RAB38: variants seen among roughly 807,000 people sequenced by gnomAD.
RAB38 encodes the protein ras-related protein Rab-38.
RAB38 carries 15 observed loss-of-function variants against 18.4 expected under a neutral mutation model. That is an observed-to-expected ratio of 0.82 (90% confidence interval 0.55 to 1.26). The LOEUF is 1.26. RAB38 is among the 50% of genes most tolerant of loss of function. RAB38 has a pLI of 0.00. For synonymous variants in RAB38, 101 were observed against 104.4 expected (o/e 0.97, Z 0.20); for missense variants, 294 against 267.4 (o/e 1.10, Z -0.69).
At chr11:87,954,138 A>AAAATGTAGTCTT in the RAB38 span, among the ~76,000 whole-genome samples, 2 of 152,176 alleles carry the variant, frequency 1.3e-5, no homozygotes, top group African/African-American at 4.8e-5. Flanking sequence ...ATTTTGAGTT[A>AAAATGTAGTCTT]AAATGTAGTC....
intron 2 of RAB38, among the ~76,000 whole-genome samples, chr11:88,142,353 G>A (rs1241681671): frequency 6.6e-6 from 1 of 152,212 alleles, no homozygotes; most frequent in African/African-American, 2.4e-5. Flanking sequence ...GCTGTGAAAT[G>A]CCTGGAAGGT....
the RAB38 span, among the ~76,000 whole-genome samples, chr11:87,893,654 C>T: frequency 6.6e-6 from 1 of 151,376 alleles, no homozygotes; most frequent in African/African-American, 2.4e-5. Flanking sequence ...TATATATCCA[C>T]TAAAAACTAA....
At chr11:87,924,255 G>A in the RAB38 span, among the ~76,000 whole-genome samples, 1 of 152,024 alleles carries the variant, frequency 6.6e-6, no homozygotes, top group Non-Finnish European at 1.5e-5. Flanking sequence ...TGCCTTGGAA[G>A]TCGGTAAGTA....
the RAB38 span, among the ~76,000 whole-genome samples, chr11:88,050,524 G>A: frequency 6.6e-6 from 1 of 152,192 alleles, no homozygotes; most frequent in African/African-American, 2.4e-5. Flanking sequence ...ACTGGAAGGT[G>A]AAGGAAAGGA....
At chr11:87,875,130 TAATG>T in the RAB38 span, among the ~76,000 whole-genome samples, 1 of 151,552 alleles carries the variant, frequency 6.6e-6, no homozygotes, top group African/African-American at 2.4e-5. Context: ...TAGTCAATAA[TAATG>T]TATATTTTAA....
downstream of RAB38, among the ~76,000 whole-genome samples, chr11:88,110,218 G>A (rs1162311857): frequency 6.6e-6 from 1 of 152,038 alleles, no homozygotes; most frequent in Non-Finnish European, 1.5e-5. Flanking sequence ...TCCTTTTCGG[G>A]GATATGGATG....
At chr11:88,018,833 A>T in the RAB38 span, among the ~76,000 whole-genome samples, 1 of 152,202 alleles carries the variant, frequency 6.6e-6, no homozygotes, top group Non-Finnish European at 1.5e-5. Context: ...TTGTTTATTT[A>T]AATATTTCAA....
chr11:87,945,980 T>G, the RAB38 span, among the ~76,000 whole-genome samples: 2 of 152,150 alleles, frequency 1.3e-5, no homozygotes, highest in Non-Finnish European at 2.9e-5. Context: ...TGCACTGTGA[T>G]GGCCCTTTTC....
At chr11:87,832,014 A>C in the RAB38 span, among the ~76,000 whole-genome samples, 1 of 152,332 alleles carries the variant, frequency 6.6e-6, no homozygotes, top group African/African-American at 2.4e-5. Flanking sequence ...TTAATGTTCA[A>C]AAGAAATGTT....
chr11:87,970,294 T>G, the RAB38 span, among the ~76,000 whole-genome samples: 2 of 151,998 alleles, frequency 1.3e-5, no homozygotes, highest in Non-Finnish European at 2.9e-5. Flanking sequence ...AAAATCAGGG[T>G]CCAGCCCTGT....
the RAB38 span, among the ~76,000 whole-genome samples, chr11:87,835,012 T>G: frequency 2.0e-5 from 3 of 152,246 alleles, no homozygotes; most frequent in Non-Finnish European, 4.4e-5. Flanking sequence ...CAGTTTGTTC[T>G]CTTTCTCCTG....
At chr11:87,847,611 G>A in the RAB38 span, among the ~76,000 whole-genome samples, 6 of 152,218 alleles carry the variant, frequency 3.9e-5, no homozygotes, top group East Asian at 1.9e-4. Flanking sequence ...ATCACTGCAT[G>A]CTCCCTGTGT....
the RAB38 span, among the ~76,000 whole-genome samples, chr11:87,947,895 A>G: frequency 1.3e-5 from 2 of 152,308 alleles, no homozygotes; most frequent in African/African-American, 2.4e-5. Context: ...TTGGTTCCAT[A>G]TGAACTCTAA....
chr11:87,857,960 T>A, the RAB38 span, among the ~76,000 whole-genome samples: 11 of 152,308 alleles, frequency 7.2e-5, no homozygotes, highest in South Asian at 1.9e-3. Context: ...CTGAATGCTA[T>A]TGCCTAGGTT....
At chr11:87,896,519 A>T in the RAB38 span, among the ~76,000 whole-genome samples, 1 of 151,674 alleles carries the variant, frequency 6.6e-6, no homozygotes, top group African/African-American at 2.4e-5. Flanking sequence ...CAGAAACTCC[A>T]ACTCTCCATT....
chr11:87,944,787 C>A, the RAB38 span, among the ~76,000 whole-genome samples: 1 of 152,048 alleles, frequency 6.6e-6, no homozygotes, highest in Non-Finnish European at 1.5e-5. Context: ...GCAGCCAAAC[C>A]CATTTGAGCA....
At chr11:87,956,506 G>C in the RAB38 span, among the ~76,000 whole-genome samples, 3 of 152,030 alleles carry the variant, frequency 2.0e-5, no homozygotes, top group Admixed American at 2.0e-4. Context: ...CTGCCCCATG[G>C]TCTCTCAGAT....
intron 1 of RAB38, among the ~76,000 whole-genome samples, chr11:88,159,185 A>G (rs1441652474): frequency 6.7e-6 from 1 of 148,452 alleles, no homozygotes; most frequent in African/African-American, 2.5e-5. Context: ...ACACAATCCC[A>G]TTTACAATAG....
At chr11:87,976,952 TA>T in the RAB38 span, among the ~76,000 whole-genome samples, 196 of 52,320 alleles carry the variant, frequency 3.7e-3, 58 homozygotes, top group African/African-American at 5.1e-3. Flanking sequence ...TTATAAAATA[TA>T]ATTACATTAT....
Sources: gnomAD v4.1 joint callset for allele counts (sites outside exome capture counted in the v4.1 genomes callset) on GRCh38, gnomAD v4.1.1 for gene constraint, MANE v1.5 for transcripts, NCBI Gene and HGNC (gene_info 2026-07-23, HGNC 2026-07-21) for gene names.